THSD7B: variants seen among roughly 807,000 people sequenced by gnomAD.
THSD7B encodes thrombospondin type-1 domain-containing protein 7B.
In THSD7B, 138 loss-of-function variants were observed where a neutral mutation model predicts 213.6. That is an observed-to-expected ratio of 0.65 (90% confidence interval 0.56 to 0.74). The LOEUF (loss-of-function observed/expected upper bound fraction) is 0.74, where lower values mean the gene tolerates loss of function less well. Ranked by LOEUF, THSD7B falls within the 30% of genes least tolerant of loss-of-function variation. The probability of loss-of-function intolerance (pLI) is 0.00; values close to 1 mark genes in which losing one functional copy is unlikely to be tolerated. For missense variants in THSD7B, 1,931 were observed against 1,991.5 expected (o/e 0.97, Z 0.58); for synonymous variants, 742 against 687.0 (o/e 1.08, Z -1.25).
At chr2:137,243,276 C>G (rs1472871773) in intron 10 of THSD7B, among the ~76,000 whole-genome samples, 1 of 152,200 alleles carries the variant, frequency 6.6e-6, no homozygotes. Context: ...TCCCAAAACT[C>G]CATTTTGGCC....
rs150879174 is a variant in THSD7B at position 137,356,927 on chromosome 2, T to C, written c.2501-48686T>C. ...AAGCTGCTACTTTCAACTATCTCTT[T>C]TCCAAGACACACACACACATACACA... On this transcript the variant is annotated intron_variant, in intron 12 of 27. Transcript: ENST00000409968. Among the ~76,000 whole-genome samples, 317 of 148,926 alleles carry C rather than the reference T, an allele frequency of 2.1e-3. 2 individuals carry two copies. Among genetic ancestry groups the C allele is most frequent in the African/African-American group, 7.7e-3 (310 of 40,258 alleles).
chr2:137,085,478 GATA>G (rs1320106855), intron 3 of THSD7B, among the ~76,000 whole-genome samples: 2 of 151,840 alleles, frequency 1.3e-5, no homozygotes, highest in African/African-American at 4.8e-5. Context: ...ATGAGAACAA[GATA>G]ATATTTAAAA....
chr2:137,284,538 G>A (rs1224269414), intron 12 of THSD7B, among the ~76,000 whole-genome samples: 1 of 152,030 alleles, frequency 6.6e-6, no homozygotes, highest in Non-Finnish European at 1.5e-5. Context: ...TGGGCATTTA[G>A]TGCTATAAAT....
intron 2 of THSD7B, among the ~76,000 whole-genome samples, chr2:136,916,016 A>G (rs1249344313): frequency 6.6e-6 from 1 of 152,250 alleles, no homozygotes; most frequent in Non-Finnish European, 1.5e-5. Context: ...GAGATAAAGA[A>G]CTATACCAGC....
At chr2:137,182,798 A>G (rs1004993056) in intron 7 of THSD7B, among the ~76,000 whole-genome samples, 3 of 152,030 alleles carry the variant, frequency 2.0e-5, no homozygotes, top group Non-Finnish European at 4.4e-5. Context: ...ATCACTCCTA[A>G]TTTCTCCACT....
rs66464116 is a variant in THSD7B, at chr2:137,303,702, A to ATATT, written c.2500+27677_2500+27678insATTT. Among the ~76,000 whole-genome samples, 61 of 137,870 alleles carry ATATT rather than the reference A, an allele frequency of 4.4e-4. 3 individuals carry two copies. Among genetic ancestry groups the ATATT allele is most frequent in the African/African-American group, 1.7e-3 (60 of 35,070 alleles). 90.4% of individuals were successfully genotyped at this position (137,870 alleles called of 152,430 possible). A position where few individuals can be genotyped will look rare whatever the true frequency, so the allele number is the denominator to read the frequency against. ...TATATATTTATATATATTTATATAT[A>ATATT]TTTATATATATATTTATATATATAT... On this transcript the variant is annotated intron_variant, in intron 12 of 27. Transcript: ENST00000409968.
intron 7 of THSD7B, among the ~76,000 whole-genome samples, chr2:137,228,329 A>G (rs1681561278): frequency 6.6e-6 from 1 of 152,110 alleles, no homozygotes; most frequent in South Asian, 2.1e-4. Context: ...TTCACTGAGG[A>G]AATAGGTATA....
At chr2:137,017,573 G>C (rs1456536576) in intron 2 of THSD7B, among the ~76,000 whole-genome samples, 2 of 152,082 alleles carry the variant, frequency 1.3e-5, no homozygotes. Flanking sequence ...GTTGGAAATG[G>C]CAAATACAGA....
intron 1 of THSD7B, among the ~76,000 whole-genome samples, chr2:136,806,443 G>C (rs1682282365): frequency 2.6e-5 from 4 of 152,208 alleles, no homozygotes; most frequent in Admixed American, 2.0e-4. Flanking sequence ...ATCAAGAAGA[G>C]TATGTGTACA....
chr2:137,346,722 A>G (rs1175688820), intron 12 of THSD7B, among the ~76,000 whole-genome samples: 1 of 151,640 alleles, frequency 6.6e-6, no homozygotes, highest in East Asian at 1.9e-4. Context: ...GTTTGCTGTA[A>G]AATTCTAGCC....
intron 10 of THSD7B, among the ~76,000 whole-genome samples, chr2:137,272,095 A>G (rs77892818): frequency 0.027 from 4,076 of 152,196 alleles, 107 homozygotes; most frequent in Middle Eastern, 0.095. Context: ...TGACTAATAT[A>G]TTAATTATTA....
chr2:136,893,116 C>G (rs566111474), intron 2 of THSD7B, among the ~76,000 whole-genome samples: 40 of 152,172 alleles, frequency 2.6e-4, no homozygotes, highest in Non-Finnish European at 2.1e-4. Context: ...ACTTCTACCA[C>G]AGTCTGTTTG....
chr2:137,410,686 A>G (rs1686634467), intron 13 of THSD7B, among the ~76,000 whole-genome samples: 1 of 152,230 alleles, frequency 6.6e-6, no homozygotes, highest in South Asian at 2.1e-4. Flanking sequence ...AAAGTAGCCC[A>G]TGCATCAGCT....
At chr2:136,967,354 G>T (rs183103777) in intron 2 of THSD7B, among the ~76,000 whole-genome samples, 1 of 152,142 alleles carries the variant, frequency 6.6e-6, no homozygotes, top group Non-Finnish European at 1.5e-5. Context: ...GAATAAAATC[G>T]TGAAGACATT....
intron 2 of THSD7B, among the ~76,000 whole-genome samples, chr2:136,991,192 GT>G (rs2104815794): frequency 6.6e-6 from 1 of 152,234 alleles, no homozygotes; most frequent in South Asian, 2.1e-4. Context: ...ACAATGCTGG[GT>G]TTTGGTGATA....
At chr2:137,274,400 T>G (rs1682822388) in intron 11 of THSD7B, among the ~76,000 whole-genome samples, 1 of 152,072 alleles carries the variant, frequency 6.6e-6, no homozygotes, top group African/African-American at 2.4e-5. Flanking sequence ...TCAAGTGAAT[T>G]TGAACTTCTC....
chr2:137,047,595 C>G (rs1057226260), intron 2 of THSD7B, among the ~76,000 whole-genome samples: 1 of 152,168 alleles, frequency 6.6e-6, no homozygotes, highest in African/African-American at 2.4e-5. Context: ...GTGCTGAATA[C>G]AAGGTCCACG....
intron 14 of THSD7B, among the ~76,000 whole-genome samples, chr2:137,413,037 G>A (rs1686706614): frequency 6.6e-6 from 1 of 151,980 alleles, no homozygotes; most frequent in African/African-American, 2.4e-5. Context: ...TAATGTACAA[G>A]CTAAGTAAAT....
chr2:137,332,510 C>A (rs1333370099), intron 12 of THSD7B, among the ~76,000 whole-genome samples: 1 of 152,118 alleles, frequency 6.6e-6, no homozygotes, highest in East Asian at 1.9e-4. Flanking sequence ...TGGACTTAGA[C>A]TTTTGGTTTA....
Sources: allele counts gnomAD v4.1 joint callset (sites outside exome capture counted in the v4.1 genomes callset), GRCh38; gene constraint gnomAD v4.1.1; transcripts MANE v1.5; gene names NCBI Gene and HGNC (gene_info 2026-07-23, HGNC 2026-07-21).